SYTL3: variants seen among roughly 807,000 people sequenced by gnomAD.
SYTL3 encodes the protein synaptotagmin like 3, also known as synaptotagmin-like protein 3.
SYTL3 carries 88 observed loss-of-function variants against 82.1 expected under a neutral mutation model. The observed-to-expected ratio is 1.07, with a 90% CI of 0.90 to 1.28. SYTL3 has a LOEUF of 1.28. Among genes scored for constraint, SYTL3 ranks in the 50% most tolerant of loss-of-function variants. SYTL3 has a pLI of 0.00. For synonymous variants in SYTL3, 311 were observed against 289.4 expected (o/e 1.07, Z -0.76); for missense variants, 831 against 757.6 (o/e 1.10, Z -1.14).
chr6:158,652,253 A>G (rs144293523), intron 2 of SYTL3, among the ~76,000 whole-genome samples: 166 of 133,508 alleles, frequency 1.2e-3, no homozygotes, highest in African/African-American at 4.6e-3. Context: ...TTATTTTATT[A>G]TTATTATTTT....
chr6:158,722,232 C>G (rs1784197897), intron 10 of SYTL3, among the ~76,000 whole-genome samples: 1 of 152,026 alleles, frequency 6.6e-6, no homozygotes, highest in African/African-American at 2.4e-5. Context: ...GCAAACACAG[C>G]TCATTGTAGC....
At chr6:158,763,945 G>T (rs1212297888) in intron 17 of SYTL3, among the ~76,000 whole-genome samples, 1 of 152,220 alleles carries the variant, frequency 6.6e-6, no homozygotes, top group Non-Finnish European at 1.5e-5. Context: ...CTGCTGTGAG[G>T]TTCTGTGCCT....
chr6:158,735,744 G>A (rs1786058771), intron 11 of SYTL3, among the ~76,000 whole-genome samples: 1 of 152,176 alleles, frequency 6.6e-6, no homozygotes. Flanking sequence ...GCAAATCAGT[G>A]CAAAATTAAA....
At chr6:158,735,481 C>T (rs957838071) in intron 11 of SYTL3, among the ~76,000 whole-genome samples, 1 of 152,126 alleles carries the variant, frequency 6.6e-6, no homozygotes. Context: ...TGCATTGAAT[C>T]GTAACCTGTT....
intron 5 of SYTL3, 98 bp downstream of exon 5, chr6:158,665,711 T>G (rs1789969549): frequency 2.3e-6 from 2 of 874,854 alleles, no homozygotes; most frequent in South Asian, 3.5e-5. Flanking sequence ...CTCCTCACCT[T>G]CAGCCAGTAA....
chr6:158,728,414 A>T (rs1028285425), intron 11 of SYTL3, among the ~76,000 whole-genome samples: 2 of 152,110 alleles, frequency 1.3e-5, no homozygotes, highest in Non-Finnish European at 2.9e-5. Context: ...AAATGTCCAC[A>T]TAAGTGTGGA....
rs1013362002 is a variant in SYTL3 at position 158,707,113 on chromosome 6, C to G, written c.395-117C>G. On this transcript the variant is annotated intron_variant, in intron 6 of 17. Transcript: ENST00000611299. ...TCTATCACCTCAAAATGATCTCTTA[C>G]TTTTTAATCACAAGAAATGATACTA... is the stretch of plus-strand genomic sequence containing the variant. The G allele has an allele frequency of 5.5e-6, 6 of 1,083,694 alleles. No individual in the cohort carries two copies. The East Asian group carries it at 1.5e-4, about 27-fold the overall frequency. 67.1% of individuals were successfully genotyped at this position (1,083,694 alleles called of 1,614,324 possible).
chr6:158,672,308 A>G (rs1777483395), intron 5 of SYTL3, among the ~76,000 whole-genome samples: 1 of 152,150 alleles, frequency 6.6e-6, no homozygotes. Flanking sequence ...GTTTTTCCCC[A>G]GGAGAGGACT....
chr6:158,749,510 T>C (rs1263453304), intron 12 of SYTL3, among the ~76,000 whole-genome samples: 3 of 127,056 alleles, frequency 2.4e-5, no homozygotes, highest in African/African-American at 3.5e-5. Flanking sequence ...TTTCTCTCTT[T>C]TTTTTTTTTT....
chr6:158,702,258 G>A (rs1050718098), intron 6 of SYTL3, among the ~76,000 whole-genome samples: 9 of 151,006 alleles, frequency 6.0e-5, no homozygotes, highest in African/African-American at 1.2e-4. Context: ...CCCGGGAGGC[G>A]GAGGTTGCAG....
chr6:158,760,879 T>C (rs1789826961), intron 15 of SYTL3, 134 bp downstream of exon 15: 1 of 704,282 alleles, frequency 1.4e-6, no homozygotes, highest in African/African-American at 1.8e-5. Flanking sequence ...CCAGCAGCTC[T>C]TCTTTCTGAG....
intron 2 of SYTL3, among the ~76,000 whole-genome samples, chr6:158,653,599 T>C (rs988562120): frequency 6.6e-6 from 1 of 152,166 alleles, no homozygotes; most frequent in Non-Finnish European, 1.5e-5. Context: ...TTTTCCCCTG[T>C]GTACGAGGCA....
intron 7 of SYTL3, 39 bp downstream of exon 7, chr6:158,707,320 G>GA: frequency 6.2e-7 from 1 of 1,603,520 alleles, no homozygotes; most frequent in South Asian, 1.1e-5. Flanking sequence ...TGGCCCTCCG[G>GA]GGCAGGAGCG....
At chr6:158,759,121 A>G (rs2128546799) in intron 14 of SYTL3, among the ~76,000 whole-genome samples, 1 of 152,350 alleles carries the variant, frequency 6.6e-6, no homozygotes, top group African/African-American at 2.4e-5. Flanking sequence ...GGCCTGGAAC[A>G]AGCACAGGGC....
intron 11 of SYTL3, among the ~76,000 whole-genome samples, chr6:158,734,328 G>A (rs1324956646): frequency 6.6e-6 from 1 of 151,968 alleles, no homozygotes. Flanking sequence ...TGGAGTCTGA[G>A]CTCCTTCAAG....
chr6:158,739,396 T>C (rs1786632729), intron 11 of SYTL3, among the ~76,000 whole-genome samples: 1 of 152,218 alleles, frequency 6.6e-6, no homozygotes, highest in Admixed American at 6.5e-5. Context: ...GATGTACCTA[T>C]GTATAGTTTT....
At chr6:158,706,362 C>A (rs1419218273) in intron 6 of SYTL3, among the ~76,000 whole-genome samples, 1 of 152,180 alleles carries the variant, frequency 6.6e-6, no homozygotes, top group African/African-American at 2.4e-5. Context: ...CAAAGGCCAG[C>A]CCATCTGATT....
At chr6:158,738,938 G>A (rs565646384) in intron 11 of SYTL3, among the ~76,000 whole-genome samples, 11 of 152,272 alleles carry the variant, frequency 7.2e-5, no homozygotes, top group Admixed American at 2.6e-4. Context: ...GATTACAGGC[G>A]TGAGCCACTG....
chr6:158,733,479 A>G (rs1471353256), intron 11 of SYTL3, among the ~76,000 whole-genome samples: 2 of 151,840 alleles, frequency 1.3e-5, no homozygotes, highest in Non-Finnish European at 2.9e-5. Flanking sequence ...GGTGCCCGCC[A>G]CCACGCCCGG....
Sources: gnomAD v4.1 joint callset for allele counts (sites outside exome capture counted in the v4.1 genomes callset) on GRCh38, gnomAD v4.1.1 for gene constraint, MANE v1.5 for transcripts, NCBI Gene and HGNC (gene_info 2026-07-23, HGNC 2026-07-21) for gene names.